CNTNAP2: variants seen among roughly 807,000 people sequenced by gnomAD.
CNTNAP2 encodes contactin associated protein 2.
In CNTNAP2, 98 loss-of-function variants were observed where a neutral mutation model predicts 155.2. The ratio of observed to expected loss-of-function variants is 0.63; its 90% CI spans 0.54 to 0.75. CNTNAP2 has a LOEUF of 0.75. Among genes scored for constraint, CNTNAP2 ranks in the 30% least tolerant of loss-of-function variants. The probability of loss-of-function intolerance (pLI) is 0.00; values close to 1 mark genes in which losing one functional copy is unlikely to be tolerated. For synonymous variants in CNTNAP2, 651 were observed against 631.2 expected, an observed-to-expected ratio of 1.03 and a Z score of -0.47; for missense variants, 1,727 against 1,688.1, an observed-to-expected ratio of 1.02 and a Z score of -0.40.
chr7:148,327,069 T>C (rs1797905323), intron 21 of CNTNAP2, among the ~76,000 whole-genome samples: 1 of 152,142 alleles, frequency 6.6e-6, no homozygotes, highest in Admixed American at 6.5e-5. Flanking sequence ...ATCCAGTTTC[T>C]TGTGGACGTT....
chr7:146,205,955 C>G (rs1053471575), intron 1 of CNTNAP2, among the ~76,000 whole-genome samples: 1 of 151,866 alleles, frequency 6.6e-6, no homozygotes, highest in Non-Finnish European at 1.5e-5. Context: ...CAGGAAAAAG[C>G]AGGCTCCTAT....
At chr7:146,666,993 C>T (rs1800206490) in intron 1 of CNTNAP2, among the ~76,000 whole-genome samples, 1 of 151,922 alleles carries the variant, frequency 6.6e-6, no homozygotes, top group Admixed American at 6.6e-5. Context: ...TGATATGATA[C>T]CATTTGTTTA....
rs747201477 is a variant in CNTNAP2, at chr7:148,415,518, G to A, written c.3898G>A (p.Gly1300Arg). The change falls in exon 24 of 24, where the codon GGG becomes AGG. Residue 1300 changes from glycine (G) to arginine (R), a missense_variant. Physicochemically the swap from Gly to Arg is moderately radical, Grantham distance 125. Transcript: ENST00000361727. ...KGTYHTNEAK[G>R]AESAESADAA... Reference sequence around the variant, plus strand: ...CACCTACCATACCAACGAAGCAAAGGGGGCGGAGTCGGCAGAGAGCGCGGA... The same window carrying A: ...CACCTACCATACCAACGAAGCAAAGAGGGCGGAGTCGGCAGAGAGCGCGGA... 1.9e-6 allele frequency: 3 copies of A among 1,614,210 alleles called. No individual in the cohort carries two copies. Among genetic ancestry groups the A allele is most frequent in the Non-Finnish European group, 2.5e-6 (3 of 1,180,032 alleles).
chr7:146,719,107 C>T (rs547132803), intron 1 of CNTNAP2, among the ~76,000 whole-genome samples: 25 of 152,274 alleles, frequency 1.6e-4, no homozygotes, highest in African/African-American at 6.0e-4. Flanking sequence ...CTTTGTTCCC[C>T]ACCCAATGTT....
At chr7:147,037,689 T>C (rs1799182645) in intron 3 of CNTNAP2, among the ~76,000 whole-genome samples, 1 of 152,058 alleles carries the variant, frequency 6.6e-6, no homozygotes, top group South Asian at 2.1e-4. Context: ...CTGAGTCTGT[T>C]TCCTGATTTG....
At chr7:146,303,504 G>T (rs151045924) in intron 1 of CNTNAP2, among the ~76,000 whole-genome samples, 337 of 152,138 alleles carry the variant, frequency 2.2e-3, no homozygotes, top group African/African-American at 7.6e-3. Flanking sequence ...CAGCAGTTCT[G>T]TTGAACTTAT....
intron 13 of CNTNAP2, among the ~76,000 whole-genome samples, chr7:147,671,053 C>T (rs868128161): frequency 1.3e-4 from 20 of 152,356 alleles, no homozygotes; most frequent in African/African-American, 4.1e-4. Context: ...CTCTCGGCTC[C>T]TGCCTCCACT....
chr7:146,902,067 G>C (rs1176674586), intron 3 of CNTNAP2, among the ~76,000 whole-genome samples: 1 of 151,666 alleles, frequency 6.6e-6, no homozygotes, highest in Non-Finnish European at 1.5e-5. Context: ...TGTATTTGTA[G>C]TGGAGACGGG....
chr7:146,393,062 T>G (rs1410041779), intron 1 of CNTNAP2, among the ~76,000 whole-genome samples: 1 of 152,152 alleles, frequency 6.6e-6, no homozygotes, highest in East Asian at 1.9e-4. Flanking sequence ...ATCAATGAAA[T>G]GAAGAAAATA....
chr7:146,959,727 AAAAAAAG>A (rs1202032674), intron 3 of CNTNAP2, among the ~76,000 whole-genome samples: 4 of 151,852 alleles, frequency 2.6e-5, no homozygotes, highest in African/African-American at 9.7e-5. Flanking sequence ...AAAAAAAAAA[AAAAAAAG>A]AAAGAAATAA....
intron 8 of CNTNAP2, among the ~76,000 whole-genome samples, chr7:147,153,370 A>G (rs1801863064): frequency 6.6e-6 from 1 of 152,176 alleles, no homozygotes. Context: ...ATGACAAGTG[A>G]AAATACCGTG....
intron 18 of CNTNAP2, among the ~76,000 whole-genome samples, chr7:148,182,994 G>A (rs953209001): frequency 3.3e-5 from 5 of 152,188 alleles, no homozygotes; most frequent in South Asian, 2.1e-4. Flanking sequence ...CTGTGTGAAC[G>A]AAGTAATTTC....
chr7:148,121,581 AT>A (rs1185505159), intron 16 of CNTNAP2, among the ~76,000 whole-genome samples: 5 of 151,844 alleles, frequency 3.3e-5, no homozygotes, highest in East Asian at 1.9e-4. Flanking sequence ...AGGAATTCAC[AT>A]TTTTTTTCTC....
chr7:146,714,450 A>G (rs573740804), intron 1 of CNTNAP2, among the ~76,000 whole-genome samples: 12 of 152,330 alleles, frequency 7.9e-5, no homozygotes, highest in Middle Eastern at 3.4e-3. Context: ...TCAGACTGGG[A>G]GTCATTTTGA....
chr7:147,519,647 G>C (rs1799197568), intron 11 of CNTNAP2, among the ~76,000 whole-genome samples: 2 of 152,328 alleles, frequency 1.3e-5, no homozygotes, highest in East Asian at 3.9e-4. Flanking sequence ...CGGATTGCTT[G>C]AGGTCAGGAG....
chr7:147,364,345 G>C (rs1796191917), intron 9 of CNTNAP2, among the ~76,000 whole-genome samples: 1 of 152,062 alleles, frequency 6.6e-6, no homozygotes, highest in African/African-American at 2.4e-5. Flanking sequence ...GTAACTTTAA[G>C]TATTTGTTCA....
intron 1 of CNTNAP2, among the ~76,000 whole-genome samples, chr7:146,140,028 A>G (rs1424969627): frequency 6.6e-6 from 1 of 152,156 alleles, no homozygotes; most frequent in East Asian, 1.9e-4. Context: ...CTTTGCAGCT[A>G]CAGGAGTCTG....
intron 1 of CNTNAP2, among the ~76,000 whole-genome samples, chr7:146,754,942 G>C (rs1298653235): frequency 1.3e-5 from 2 of 151,844 alleles, no homozygotes; most frequent in Non-Finnish European, 1.5e-5. Flanking sequence ...CATTAAATTT[G>C]CTTCAAGTCC....
chr7:147,911,349 A>G (rs769808633), intron 14 of CNTNAP2, among the ~76,000 whole-genome samples: 3 of 152,158 alleles, frequency 2.0e-5, no homozygotes, highest in Non-Finnish European at 2.9e-5. Context: ...GCCAGCACAG[A>G]TGTTACGGTC....
Sources: allele counts gnomAD v4.1 joint callset (sites outside exome capture counted in the v4.1 genomes callset), GRCh38; gene constraint gnomAD v4.1.1; transcripts MANE v1.5; gene names NCBI Gene and HGNC (gene_info 2026-07-23, HGNC 2026-07-21).